FAP: variants seen among roughly 807,000 people sequenced by gnomAD.
FAP encodes fibroblast activation protein alpha, also known as prolyl endopeptidase FAP.
Under a neutral mutation model 126.5 loss-of-function variants are expected in FAP, and 110 were observed. The observed-to-expected ratio is 0.87, with a 90% CI of 0.74 to 1.02. The LOEUF is 1.02. Ranked by LOEUF, FAP falls within the 50% of genes least tolerant of loss-of-function variation. The probability of loss-of-function intolerance (pLI) is 0.00; values close to 1 mark genes in which losing one functional copy is unlikely to be tolerated. For missense variants in FAP, 919 were observed against 909.2 expected (o/e 1.01, Z -0.14); for synonymous variants, 334 against 297.3 (o/e 1.12, Z -1.27).
At chr2:162,192,863 A>G (rs1688102342) in intron 17 of FAP, among the ~76,000 whole-genome samples, 1 of 152,138 alleles carries the variant, frequency 6.6e-6, no homozygotes, top group Non-Finnish European at 1.5e-5. Flanking sequence ...GGTTTGTGGT[A>G]GTTATCATTA....
chr2:162,175,663 G>A (rs1242476184), intron 21 of FAP: 1 of 152,134 alleles, frequency 6.6e-6, no homozygotes, highest in Non-Finnish European at 1.5e-5. Flanking sequence ...TGCAGAGTCA[G>A]GAGTAAGTTT....
chr2:162,187,708 G>A (rs1559765561), intron 20 of FAP, among the ~76,000 whole-genome samples: 1 of 152,050 alleles, frequency 6.6e-6, no homozygotes, highest in Non-Finnish European at 1.5e-5. Flanking sequence ...TACCATGGCC[G>A]ACTGATAGCT....
intron 12 of FAP, among the ~76,000 whole-genome samples, chr2:162,204,698 G>C (rs1006764285): frequency 6.6e-6 from 1 of 152,148 alleles, no homozygotes; most frequent in Non-Finnish European, 1.5e-5. Flanking sequence ...CCGACTTCCA[G>C]CTTTCAGAAT....
Position 162,215,859 on chromosome 2 carries a change from T to C in FAP, c.866+39A>G. ...CATGCACAGCATAAATGCACTAGAATATAGGATAGAAAGATGGGAGGGATC... is the reference window on the plus strand; with the variant it reads ...CATGCACAGCATAAATGCACTAGAACATAGGATAGAAAGATGGGAGGGATC... On this transcript the variant is annotated intron_variant, in intron 10 of 25. Transcript: ENST00000188790. The C allele has an allele frequency of 3.5e-6, 5 of 1,425,264 alleles. 1 individual carries two copies. The South Asian group carries it at 5.8e-5, about 16-fold the overall frequency. 88.3% of individuals were successfully genotyped at this position (1,425,264 alleles called of 1,614,324 possible).
intron 2 of FAP, among the ~76,000 whole-genome samples, chr2:162,238,707 G>A (rs1477895034): frequency 1.3e-5 from 2 of 151,924 alleles, no homozygotes; most frequent in Non-Finnish European, 2.9e-5. Context: ...GTTAGTCCTG[G>A]GAAAATATTT....
rs750073479 is a variant in FAP, at chr2:162,173,787, G to A, written c.1970C>T (p.Ala657Val). The A allele has an allele frequency of 1.3e-5, 20 of 1,586,470 alleles. No homozygotes were observed. Among genetic ancestry groups the A allele is most frequent in the South Asian group, 2.2e-5 (2 of 90,172 alleles). The change falls in exon 23 of 26, where the codon GCG becomes GTG. Residue 657 changes from alanine (A) to valine (V), a missense_variant and splice_region_variant. Physicochemically the swap from Ala to Val is moderately conservative, Grantham distance 64 (BLOSUM62 0). Transcript: ENST00000188790. ...CATGAATCTCTCTGTGTAGACAGAC[G>A]CTATAAAATATATGAGAATATGCAT... ...VAPVSSWEYY[A>V]SVYTERFMGL...
At chr2:162,241,526 C>T (rs552368392) in intron 2 of FAP, among the ~76,000 whole-genome samples, 1 of 152,258 alleles carries the variant, frequency 6.6e-6, no homozygotes, top group Admixed American at 6.5e-5. Context: ...ATAAAATTAA[C>T]AAACTTTTGT....
intron 15 of FAP, among the ~76,000 whole-genome samples, chr2:162,199,456 A>C (rs1688403509): frequency 6.6e-6 from 1 of 152,138 alleles, no homozygotes; most frequent in East Asian, 1.9e-4. Flanking sequence ...CAGTCTACAC[A>C]AGCCAATCTG....
chr2:162,173,475 C>T (rs1431976374), intron 23 of FAP, among the ~76,000 whole-genome samples: 1 of 151,496 alleles, frequency 6.6e-6, no homozygotes, highest in Non-Finnish European at 1.5e-5. Context: ...GATGCCCGCT[C>T]AAGCTGTGTA....
At chr2:162,203,778 G>T (rs1688590608) in intron 12 of FAP, among the ~76,000 whole-genome samples, 1 of 152,128 alleles carries the variant, frequency 6.6e-6, no homozygotes, top group Non-Finnish European at 1.5e-5. Flanking sequence ...TGCAGAACTT[G>T]CTGGGAACCA....
At chr2:162,215,673 C>T (rs549714329) in intron 10 of FAP, among the ~76,000 whole-genome samples, 19 of 152,266 alleles carry the variant, frequency 1.2e-4, no homozygotes, top group African/African-American at 4.3e-4. Flanking sequence ...ATCTGTACAT[C>T]TGAGGCAAGT....
chr2:162,183,383 T>A (rs1687756155), intron 21 of FAP, 31 bp downstream of exon 21: 5 of 1,518,764 alleles, frequency 3.3e-6, no homozygotes, highest in Middle Eastern at 3.4e-4. Context: ...CTGAACTGAA[T>A]AACAGGCATA....
At chr2:162,195,255 A>G (rs950077943) in intron 16 of FAP, among the ~76,000 whole-genome samples, 3 of 152,066 alleles carry the variant, frequency 2.0e-5, no homozygotes, top group African/African-American at 7.2e-5. Flanking sequence ...CTTTTAAAAT[A>G]TGCTGTGGCA....
chr2:162,207,171 A>G lies in FAP; in HGVS notation c.1047+2781T>C, dbSNP rs553368685. ...TAGGTCAAAGGAAGCTATTAAATAT[A>G]CAATATATTATGAAATATGAGTTAT... On this transcript the variant is annotated intron_variant, in intron 12 of 25. Transcript: ENST00000188790. Among the ~76,000 whole-genome samples the G allele has an allele frequency of 2.5e-4, 38 of 152,362 alleles. 1 individual carries two copies. The South Asian group carries it at 7.7e-3, about 31-fold the overall frequency.
chr2:162,225,602 T>C (rs758415457), intron 3 of FAP, 25 bp from the exon 4 acceptor site: 1 of 1,565,582 alleles, frequency 6.4e-7, no homozygotes, highest in Admixed American at 2.0e-5. Flanking sequence ...GAAAACAAAA[T>C]GTAAATGATC....
intron 21 of FAP, among the ~76,000 whole-genome samples, chr2:162,179,767 T>G (rs890601955): frequency 1.4e-5 from 1 of 72,182 alleles, no homozygotes; most frequent in East Asian, 2.8e-4. Context: ...CAGATCTATC[T>G]ATCTATCTAT....
chr2:162,204,095 C>T (rs1688604669), intron 12 of FAP, among the ~76,000 whole-genome samples: 1 of 152,028 alleles, frequency 6.6e-6, no homozygotes, highest in Non-Finnish European at 1.5e-5. Flanking sequence ...TGGTGTCCCT[C>T]CACATGAGAA....
At chr2:162,218,198 T>C in intron 8 of FAP, 58 bp from the exon 9 acceptor site, 2 of 1,030,340 alleles carry the variant, frequency 1.9e-6, no homozygotes, top group Non-Finnish European at 2.8e-6. Context: ...AAAATCATTG[T>C]AAATACTTCT....
intron 2 of FAP, among the ~76,000 whole-genome samples, chr2:162,231,858 A>C (rs1187388184): frequency 6.6e-6 from 1 of 152,228 alleles, no homozygotes; most frequent in Non-Finnish European, 1.5e-5. Context: ...GAGAAAATTA[A>C]GTGGCATACA....
Sources: gnomAD v4.1 joint callset for allele counts (sites outside exome capture counted in the v4.1 genomes callset) on GRCh38, gnomAD v4.1.1 for gene constraint, MANE v1.5 for transcripts, NCBI Gene and HGNC (gene_info 2026-07-23, HGNC 2026-07-21) for gene names.